The following DBX2 variants were observed in gnomAD, a reference collection of about 807,000 sequenced individuals.
DBX2 encodes the protein developing brain homeobox 2.
Under a neutral mutation model 17.7 loss-of-function variants are expected in DBX2, and 16 were observed. That is an observed-to-expected ratio of 0.90 (90% confidence interval 0.61 to 1.37). DBX2 has a LOEUF of 1.37. Ranked by LOEUF, DBX2 falls within the 40% of genes most tolerant of loss-of-function variation. DBX2 has a pLI of 0.00. For synonymous variants in DBX2, 255 were observed against 183.8 expected (o/e 1.39, Z -3.13); for missense variants, 538 against 433.8 (o/e 1.24, Z -2.13).
Position 45,015,928 on chromosome 12 carries a change from G to C in DBX2, c.*358C>G, listed in dbSNP as rs1306372083. 6.1e-6 allele frequency: 1 copy of C among 163,660 alleles called. No individual in the cohort carries two copies. The allele number at this position is 163,660 out of a possible 1,614,324, so 10.1% of individuals were successfully genotyped here. A position where few individuals can be genotyped will look rare whatever the true frequency, so the allele number is the denominator to read the frequency against. ...ATAAAAGGAAGTGAATTTACTCAATGCAATAGTTAAAGAGAAACTAGTTTC... is the reference window on the plus strand; with the variant it reads ...ATAAAAGGAAGTGAATTTACTCAATCCAATAGTTAAAGAGAAACTAGTTTC... On this transcript the variant is annotated 3_prime_UTR_variant, in exon 4 of 4. Transcript: ENST00000332700.
intron 2 of DBX2, among the ~76,000 whole-genome samples, chr12:45,025,224 A>C (rs953100990): frequency 6.6e-6 from 1 of 152,192 alleles, no homozygotes; most frequent in African/African-American, 2.4e-5. Context: ...TATAATTGGA[A>C]GAGGGAGGCA....
chr12:45,035,444 C>T (rs948468673), intron 2 of DBX2, among the ~76,000 whole-genome samples: 2 of 152,160 alleles, frequency 1.3e-5, no homozygotes, highest in Non-Finnish European at 2.9e-5. Context: ...GAAAGTCTGT[C>T]ATTCTCACTC....
chr12:45,042,427 C>T lies in DBX2; in HGVS notation c.404-6313G>A, dbSNP rs140989449. Among the ~76,000 whole-genome samples, 612 of 152,212 alleles carry T rather than the reference C, an allele frequency of 4.0e-3. 2 individuals carry two copies. Among genetic ancestry groups the T allele is most frequent in the Non-Finnish European group, 5.1e-3 (345 of 68,006 alleles). On this transcript the variant is annotated intron_variant, in intron 1 of 3. Transcript: ENST00000332700. ...GGCAAAAGAAGAGAATGAAACCATTCCAAGAAGAAAAGGTTGCAGGGACAA... is the reference window on the plus strand; with the variant it reads ...GGCAAAAGAAGAGAATGAAACCATTTCAAGAAGAAAAGGTTGCAGGGACAA...
At chr12:45,027,592 A>G (rs1049444182) in intron 2 of DBX2, among the ~76,000 whole-genome samples, 4 of 152,240 alleles carry the variant, frequency 2.6e-5, no homozygotes, top group African/African-American at 9.6e-5. Flanking sequence ...CAGCAAAGAA[A>G]GTACTTACAT....
chr12:45,027,692 AAC>A (rs1490598138), intron 2 of DBX2, among the ~76,000 whole-genome samples: 1 of 152,226 alleles, frequency 6.6e-6, no homozygotes, highest in Non-Finnish European at 1.5e-5. Context: ...GACAAAAACA[AAC>A]ACAGAATTGT....
chr12:45,025,251 T>C (rs1317497923), intron 2 of DBX2, among the ~76,000 whole-genome samples: 2 of 152,092 alleles, frequency 1.3e-5, no homozygotes, highest in Non-Finnish European at 2.9e-5. Flanking sequence ...GAGGTCCTAG[T>C]CAGAGAGAGA....
intron 3 of DBX2, among the ~76,000 whole-genome samples, chr12:45,021,237 A>G (rs1287027140): frequency 6.6e-6 from 1 of 152,218 alleles, no homozygotes; most frequent in East Asian, 1.9e-4. Flanking sequence ...ACCAAATTCA[A>G]TAAGACAAAA....
At chr12:45,021,789 A>G (rs7295673) in intron 3 of DBX2, among the ~76,000 whole-genome samples, 110,096 of 151,952 alleles carry the variant, frequency 0.72, 41,631 homozygotes, top group East Asian at 0.94. Flanking sequence ...AGGCTTCAGA[A>G]AGATAAGTAA....
chr12:45,024,468 T>C (rs1946370352), intron 2 of DBX2, among the ~76,000 whole-genome samples: 1 of 152,208 alleles, frequency 6.6e-6, no homozygotes, highest in Non-Finnish European at 1.5e-5. Flanking sequence ...CATTTGCTTG[T>C]CCTCCCAATT....
At position 45,016,705 on chromosome 12, in the gene DBX2, C is replaced by T. The variant is rs995079592; in HGVS notation, c.688-87G>A. On this transcript the variant is annotated intron_variant, in intron 3 of 3. Coordinates refer to ENST00000332700, the MANE Select transcript of DBX2 (RefSeq NM_001004329.3). ...TAAACTGTAATTGCTTCTACTATCC[C>T]TTCTACAGAATACCTTATTATGACA... 4.5e-6 allele frequency: 6 copies of T among 1,325,996 alleles called. No individual in the cohort carries two copies. In the Admixed American group the frequency reaches 1.1e-4, roughly 24 times the overall value. The allele number at this position is 1,325,996 out of a possible 1,614,324, so 82.1% of individuals were successfully genotyped here.
At chr12:45,042,316 G>C (rs555718037) in intron 1 of DBX2, among the ~76,000 whole-genome samples, 44 of 152,240 alleles carry the variant, frequency 2.9e-4, no homozygotes, top group African/African-American at 9.9e-4. Context: ...AAAAGAAAAG[G>C]ATATTTTAAG....
chr12:45,031,541 G>A (rs974066416), intron 2 of DBX2, among the ~76,000 whole-genome samples: 7 of 152,002 alleles, frequency 4.6e-5, no homozygotes, highest in South Asian at 2.1e-4. Flanking sequence ...TCTCCCTAGC[G>A]TTTCTCTTCT....
Position 45,036,033 on chromosome 12 carries a change from G to A in DBX2, c.485C>T (p.Ser162Phe). Residue 162 changes from serine (S) to phenylalanine (F), a missense_variant, in exon 2 of 4, where the codon TCC (serine) becomes TTC (phenylalanine). Ser to Phe is a radical substitution (Grantham distance 155, BLOSUM62 -2). Transcript: ENST00000332700. Reference protein sequence around the residue: ...CGGSCRRPASSTAFPREESML... With the variant: ...CGGSCRRPASFTAFPREESML... ...TAAAAACTTACTTGGAAAAGCAGTG[G>A]AGGATGCAGGGCGCCGACAGGACCC... The A allele has an allele frequency of 6.2e-7, 1 of 1,613,346 alleles. No homozygotes were observed. The highest frequency in any genetic ancestry group is 1.1e-5 in the South Asian group (1 of 90,802).
Position 45,016,431 on chromosome 12 carries a change from C to T in DBX2, c.875G>A (p.Arg292Lys). Residue 292 changes from arginine to lysine, a missense_variant, in exon 4 of 4, where the codon AGG (arginine) becomes AAG (lysine). By Grantham distance (26) the Arg-to-Lys change is conservative. Transcript: ENST00000332700. ...TTCTGAAGGTTCTGGAGAATTCTCC[C>T]TCCATCTTGGACTTGAGTGCTGTTG... ...VPQQHSSPRWRENSPEPSERL... is the reference protein window; with the variant it reads ...VPQQHSSPRWKENSPEPSERL... 3 of 1,614,056 alleles carry T rather than the reference C, an allele frequency of 1.9e-6. No homozygotes were observed.
At chr12:45,026,426 C>A (rs1946381837) in intron 2 of DBX2, among the ~76,000 whole-genome samples, 1 of 152,170 alleles carries the variant, frequency 6.6e-6, no homozygotes. Flanking sequence ...GAATCTATGG[C>A]ATGAATGCTA....
chr12:45,030,492 G>T (rs575796440), intron 2 of DBX2, among the ~76,000 whole-genome samples: 2 of 152,154 alleles, frequency 1.3e-5, no homozygotes, highest in Admixed American at 1.3e-4. Flanking sequence ...CTCTATAAAG[G>T]CTTCTGGATC....
chr12:45,050,634 G>C lies in DBX2; in HGVS notation c.294C>G (p.Pro98=), dbSNP rs1452409700. The change falls in exon 1 of 4, where the codon CCC becomes CCG. Residue 98 remains proline, a synonymous_variant. Coordinates refer to ENST00000332700, the MANE Select transcript of DBX2 (RefSeq NM_001004329.3). ...CTTGAAAAGCCCACCGCGTTCCGTA[G>C]GGCGCCCCGGCGGGGCTAACTTGTT... ...AAEQVSPAGA[P]YGTRWAFQVL... is the part of the protein sequence containing the mutation. The C allele has an allele frequency of 1.3e-6, 2 of 1,550,132 alleles. No individual in the cohort carries two copies. The highest frequency in any genetic ancestry group is 8.7e-7 in the Non-Finnish European group (1 of 1,147,052).
chr12:45,047,604 C>T (rs773862370), intron 1 of DBX2, among the ~76,000 whole-genome samples: 1 of 152,102 alleles, frequency 6.6e-6, no homozygotes, highest in East Asian at 1.9e-4. Flanking sequence ...TAACTGTCAC[C>T]ACCTTTCAAA....
Position 45,016,578 on chromosome 12 carries a change from T to G in DBX2, c.728A>C (p.Asn243Thr). ...GGAAAGCACTTCCTTTTCTTTGGAA[T>G]TCCGCCATTTCATCCTCCTGTTCTG... ...WFQNRRMKWR[N>T]SKEKEVLSNR... The change falls in exon 4 of 4, where the codon AAT becomes ACT. Residue 243 changes from asparagine to threonine, a missense_variant. By Grantham distance (65) the Asn-to-Thr change is moderately conservative. Transcript: ENST00000332700. 6.4e-7 allele frequency: 1 copy of G among 1,552,840 alleles called. No homozygotes were observed. The highest frequency in any genetic ancestry group is 8.7e-7 in the Non-Finnish European group (1 of 1,153,376).
Sources: allele counts gnomAD v4.1 joint callset (sites outside exome capture counted in the v4.1 genomes callset), GRCh38; gene constraint gnomAD v4.1.1; transcripts MANE v1.5; gene names NCBI Gene and HGNC (gene_info 2026-07-23, HGNC 2026-07-21).